The following STXBP6 variants were observed in gnomAD, a reference collection of about 807,000 sequenced individuals.
STXBP6 encodes the protein syntaxin-binding protein 6.
Under a neutral mutation model 26.9 loss-of-function variants are expected in STXBP6, and 21 were observed. The ratio of observed to expected loss-of-function variants is 0.78; its 90% CI spans 0.55 to 1.12. The LOEUF is 1.12. STXBP6 is among the 50% of genes most tolerant of loss of function. STXBP6 has a pLI of 0.00. For missense variants in STXBP6, 232 were observed against 257.9 expected (o/e 0.90, Z 0.69); for synonymous variants, 97 against 92.6 (o/e 1.05, Z -0.27).
intron 1 of STXBP6, among the ~76,000 whole-genome samples, chr14:24,992,850 C>A (rs1285853718): frequency 6.6e-6 from 1 of 152,192 alleles, no homozygotes; most frequent in African/African-American, 2.4e-5. Context: ...AGTATGATAA[C>A]AGAAGCACAA....
intron 2 of STXBP6, among the ~76,000 whole-genome samples, chr14:24,864,061 G>A (rs1444413737): frequency 6.6e-6 from 1 of 152,104 alleles, no homozygotes; most frequent in Admixed American, 6.5e-5. Flanking sequence ...GATAATGGAA[G>A]GGGTTAACTA....
intron 2 of STXBP6, among the ~76,000 whole-genome samples, chr14:24,864,696 A>T (rs2139266144): frequency 6.6e-6 from 1 of 152,296 alleles, no homozygotes; most frequent in Non-Finnish European, 1.5e-5. Context: ...TAGATACTAA[A>T]CATATATCAC....
At chr14:24,830,472 T>C (rs1457228791) in intron 4 of STXBP6, among the ~76,000 whole-genome samples, 1 of 152,128 alleles carries the variant, frequency 6.6e-6, no homozygotes, top group African/African-American at 2.4e-5. Flanking sequence ...GGAAGAATAC[T>C]GAGTGAATCC....
chr14:25,040,062 G>C (rs921276280), intron 1 of STXBP6, among the ~76,000 whole-genome samples: 3 of 152,146 alleles, frequency 2.0e-5, no homozygotes, highest in Non-Finnish European at 4.4e-5. Context: ...TAAAGGTTTA[G>C]AGGCACCGAC....
At chr14:24,912,441 CAAAAAA>C (rs373713561) in intron 2 of STXBP6, among the ~76,000 whole-genome samples, 1 of 101,100 alleles carries the variant, frequency 9.9e-6, no homozygotes. Flanking sequence ...AAGTGAATGC[CAAAAAA>C]AAAAAAAAAA....
chr14:24,900,261 T>C (rs1166615386), intron 2 of STXBP6, among the ~76,000 whole-genome samples: 1 of 152,198 alleles, frequency 6.6e-6, no homozygotes, highest in Non-Finnish European at 1.5e-5. Context: ...CTCTCAGTTC[T>C]ATCAGAACCA....
chr14:24,978,360 G>T (rs146643930), intron 1 of STXBP6, among the ~76,000 whole-genome samples: 1 of 152,198 alleles, frequency 6.6e-6, no homozygotes, highest in Admixed American at 6.5e-5. Context: ...GACCAGAAAT[G>T]TAGTGATGGG....
At chr14:24,940,916 A>C (rs1470369655) in intron 2 of STXBP6, among the ~76,000 whole-genome samples, 1 of 152,140 alleles carries the variant, frequency 6.6e-6, no homozygotes, top group Admixed American at 6.5e-5. Flanking sequence ...CTTGGGAGGC[A>C]GAGGCTGAGA....
In STXBP6 at chr14:25,049,478, G is replaced by A; in HGVS notation, c.-33+400C>T. 1 of 985,326 alleles carries A rather than the reference G, an allele frequency of 1.0e-6. No individual in the cohort carries two copies. The highest frequency in any genetic ancestry group is 1.2e-6 in the Non-Finnish European group (1 of 829,898). 61.0% of individuals were successfully genotyped at this position (985,326 alleles called of 1,614,324 possible). A position where few individuals can be genotyped will look rare whatever the true frequency, so the allele number is the denominator to read the frequency against. Reference sequence around the variant, plus strand: ...CAAGCTAGAGGCGCAGCGACCCCGAGCTCCCCCACACTGGGAGCCTCGGGG... The same window carrying A: ...CAAGCTAGAGGCGCAGCGACCCCGAACTCCCCCACACTGGGAGCCTCGGGG... On this transcript the variant is annotated intron_variant, in intron 1 of 5. Coordinates refer to ENST00000323944, the MANE Select transcript of STXBP6 (RefSeq NM_001394410.1). This position sits in a 1 kb window ranked among gnomAD's most constrained non-coding sequence, Gnocchi z 5.6.
intron 3 of STXBP6, 142 bp downstream of exon 3, chr14:24,856,885 T>C (rs1431018600): frequency 1.0e-6 from 1 of 1,004,070 alleles, no homozygotes; most frequent in East Asian, 2.6e-5. Context: ...GGACTCTGTA[T>C]CCGAAAGTTT....
intron 1 of STXBP6, among the ~76,000 whole-genome samples, chr14:25,045,558 G>GAA (rs5807272): frequency 9.6e-5 from 14 of 145,476 alleles, no homozygotes; most frequent in African/African-American, 2.5e-4. Flanking sequence ...GGTTACAGAA[G>GAA]AAAAAAAAAC....
chr14:24,901,180 TA>T (rs1006346553), intron 2 of STXBP6, among the ~76,000 whole-genome samples: 121 of 152,102 alleles, frequency 8.0e-4, no homozygotes, highest in African/African-American at 2.8e-3. Context: ...TTTTACCTAC[TA>T]AAAGGCAGGA....
intron 2 of STXBP6, among the ~76,000 whole-genome samples, chr14:24,947,400 G>A (rs2073028336): frequency 6.6e-6 from 1 of 152,210 alleles, no homozygotes; most frequent in African/African-American, 2.4e-5. Context: ...CGATGGAGAA[G>A]TAAATCAGAA....
At chr14:24,879,483 ACT>A (rs1373909577) in intron 2 of STXBP6, among the ~76,000 whole-genome samples, 1 of 152,014 alleles carries the variant, frequency 6.6e-6, no homozygotes, top group African/African-American at 2.4e-5. Flanking sequence ...CTCCAGGCTG[ACT>A]CTCAGTGTGG....
chr14:24,961,008 C>T (rs960258362), intron 2 of STXBP6, among the ~76,000 whole-genome samples: 1 of 152,150 alleles, frequency 6.6e-6, no homozygotes, highest in Non-Finnish European at 1.5e-5. Context: ...TTTCTGCAGG[C>T]CCCATTTTTT....
intron 2 of STXBP6, among the ~76,000 whole-genome samples, chr14:24,857,368 G>C (rs553509730): frequency 6.6e-6 from 1 of 152,190 alleles, no homozygotes; most frequent in East Asian, 1.9e-4. Flanking sequence ...CTCTGAAGCA[G>C]TTTACAATAT....
At chr14:24,837,854 G>A (rs2138987152) in intron 4 of STXBP6, among the ~76,000 whole-genome samples, 1 of 152,274 alleles carries the variant, frequency 6.6e-6, no homozygotes, top group Admixed American at 6.5e-5. Flanking sequence ...TCCAGGGAGG[G>A]TAAGTGTCAG....
chr14:24,915,434 A>G (rs965089053), intron 2 of STXBP6, among the ~76,000 whole-genome samples: 2 of 152,086 alleles, frequency 1.3e-5, no homozygotes, highest in African/African-American at 4.8e-5. Context: ...TACTATTATG[A>G]TTACCATTGT....
At chr14:24,831,081 A>T (rs1178913208) in intron 4 of STXBP6, among the ~76,000 whole-genome samples, 1 of 152,186 alleles carries the variant, frequency 6.6e-6, no homozygotes, top group Admixed American at 6.5e-5. Flanking sequence ...TCAAAGACCT[A>T]AACAGATGAG....
Sources: allele counts gnomAD v4.1 joint callset (sites outside exome capture counted in the v4.1 genomes callset), GRCh38; gene constraint gnomAD v4.1.1; non-coding constraint Gnocchi (gnomAD v3.1); transcripts MANE v1.5; gene names NCBI Gene and HGNC (gene_info 2026-07-23, HGNC 2026-07-21).